ACSM5: variants seen among roughly 807,000 people sequenced by gnomAD.
ACSM5 encodes the protein acyl-CoA synthetase medium chain family member 5.
ACSM5 carries 56 observed loss-of-function variants against 71.6 expected under a neutral mutation model. That is an observed-to-expected ratio of 0.78 (90% CI 0.63 to 0.98). ACSM5 has a LOEUF of 0.98. Ranked by LOEUF, ACSM5 falls within the 50% of genes least tolerant of loss-of-function variation. ACSM5 has a pLI of 0.00. For synonymous variants in ACSM5, 285 were observed against 281.5 expected (o/e 1.01, Z -0.12); for missense variants, 723 against 726.0 (o/e 1.00, Z 0.05).
rs767699884 is a variant in ACSM5 at position 20,423,932 on chromosome 16, A to G, written c.784A>G (p.Thr262Ala). The change falls in exon 6 of 14, where the codon ACC becomes GCC. Residue 262 changes from threonine (T) to alanine (A), a missense_variant. Thr to Ala is a moderately conservative substitution (Grantham distance 58, BLOSUM62 0). Coordinates refer to ENST00000331849, the MANE Select transcript of ACSM5 (RefSeq NM_017888.3). ...VASGRRWVAL[T>A]ESDIFWNTTD... Reference sequence around the variant, plus strand: ...TTTTGGCAGACGGTGGGTGGCCTTGACCGAATCTGACATCTTCTGGAACAC... The same window carrying G: ...TTTTGGCAGACGGTGGGTGGCCTTGGCCGAATCTGACATCTTCTGGAACAC... 1.2e-6 allele frequency: 2 copies of G among 1,614,066 alleles called. No individual in the cohort carries two copies. The highest frequency in any genetic ancestry group is 2.2e-5 in the South Asian group (2 of 91,044).
In ACSM5 at chr16:20,431,317, A is replaced by G. The variant is rs1178556077; in HGVS notation, c.1304A>G (p.Tyr435Cys). Residue 435 changes from tyrosine to cysteine, a missense_variant, in exon 10 of 14, where the codon TAT (tyrosine) becomes TGT (cysteine). Tyr to Cys is a radical substitution (Grantham distance 194, BLOSUM62 -2). Transcript: ENST00000331849. The part of the protein sequence containing the change: ...PTRPFCFFNC[Y>C]LDNPEKTAAS... Reference sequence around the variant, plus strand: ...CGGCCCTTCTGTTTCTTCAATTGCTATTTGGTAAGAGACGGGGAACAGCCG... The same window carrying G: ...CGGCCCTTCTGTTTCTTCAATTGCTGTTTGGTAAGAGACGGGGAACAGCCG... 8 of 1,613,166 alleles carry G rather than the reference A, an allele frequency of 5.0e-6. No individual in the cohort carries two copies. The highest frequency in any genetic ancestry group is 5.9e-6 in the Non-Finnish European group (7 of 1,179,152).
rs1209445453 is a variant in ACSM5, at chr16:20,441,269, G to A, written c.*842G>A. The stretch of plus-strand genomic sequence containing the variant: ...TTCTTCCTTTTTCCATTACATTTCT[G>A]TATTTTCCAAGTTTTTGTACGAAGC... On this transcript the variant is annotated 3_prime_UTR_variant, in exon 14 of 14. Coordinates refer to ENST00000331849, the MANE Select transcript of ACSM5 (RefSeq NM_017888.3). 6.6e-6 allele frequency: 1 copy of A among 152,164 alleles called. No homozygotes were observed. The highest frequency in any genetic ancestry group is 1.5e-5 in the Non-Finnish European group (1 of 68,026). The allele number at this position is 152,164 out of a possible 1,614,324, so 9.4% of individuals were successfully genotyped here.
At position 20,424,086 on chromosome 16, in the gene ACSM5, A is replaced by G. The variant is rs367765757; in HGVS notation, c.921+17A>G. 18 of 1,613,536 alleles carry G rather than the reference A, an allele frequency of 1.1e-5. No individual in the cohort carries two copies. Among genetic ancestry groups the G allele is most frequent in the Admixed American group, 3.3e-5 (2 of 59,978 alleles). ...ATCCTGAATGTAAGAGGAAAAACCA[A>G]CAATACCCCATATGTGTTGGGTACA... On this transcript the variant is annotated intron_variant, in intron 6 of 13. Transcript: ENST00000331849.
intron 10 of ACSM5, among the ~76,000 whole-genome samples, chr16:20,436,587 C>T (rs563800311): frequency 6.6e-6 from 1 of 152,258 alleles, no homozygotes; most frequent in East Asian, 1.9e-4. Context: ...GCCAGCTGGT[C>T]TCGAATTCCA....
chr16:20,436,100 C>CTTTCTT (rs1555495957), intron 10 of ACSM5, among the ~76,000 whole-genome samples: 109 of 55,714 alleles, frequency 2.0e-3, no homozygotes, highest in African/African-American at 1.0e-2. Flanking sequence ...TTTTCTCTTT[C>CTTTCTT]TTTCTTTCTT....
intron 3 of ACSM5, 70 bp from the exon 4 acceptor site, chr16:20,419,158 T>C: frequency 6.8e-7 from 1 of 1,463,820 alleles, no homozygotes; most frequent in African/African-American, 1.4e-5. Flanking sequence ...CCTTCCTGCC[T>C]TCATCTCTTA....
At chr16:20,425,599 GT>G (rs1430741365) in intron 6 of ACSM5, among the ~76,000 whole-genome samples, 1 of 151,916 alleles carries the variant, frequency 6.6e-6, no homozygotes, top group African/African-American at 2.4e-5. Context: ...TTTTCCCCAA[GT>G]CCCCAAAGTC....
intron 10 of ACSM5, among the ~76,000 whole-genome samples, chr16:20,435,327 C>T (rs1009848532): frequency 3.3e-5 from 5 of 152,238 alleles, no homozygotes; most frequent in Non-Finnish European, 7.3e-5. Flanking sequence ...GCCACTGCAC[C>T]AGGCCGATTA....
intron 10 of ACSM5, among the ~76,000 whole-genome samples, chr16:20,433,899 A>T (rs1327066080): frequency 6.7e-6 from 1 of 148,664 alleles, no homozygotes; most frequent in Non-Finnish European, 1.5e-5. Context: ...CTGGTTTTGA[A>T]TTCCTGGGCT....
chr16:20,425,753 AT>A (rs1966966738), intron 6 of ACSM5, among the ~76,000 whole-genome samples: 1 of 152,082 alleles, frequency 6.6e-6, no homozygotes, highest in African/African-American at 2.4e-5. Flanking sequence ...TGCGAATGCC[AT>A]TAATTCATTC....
intron 5 of ACSM5, among the ~76,000 whole-genome samples, chr16:20,422,580 T>C (rs1966900978): frequency 6.6e-6 from 1 of 152,238 alleles, no homozygotes; most frequent in African/African-American, 2.4e-5. Flanking sequence ...CTGGATCATA[T>C]GGTAATTCTA....
At position 20,411,544 on chromosome 16, in the gene ACSM5, T is replaced by C; in HGVS notation, c.60T>C (p.Cys20=). 1 of 1,614,178 alleles carries C rather than the reference T, an allele frequency of 6.2e-7. No homozygotes were observed. The highest frequency in any genetic ancestry group is 8.5e-7 in the Non-Finnish European group (1 of 1,180,022). ...LQALRNSRAF[C]GSHGKPAPLP... is the part of the protein sequence containing the mutation. ...CACTGAGGAACTCCAGGGCATTCTG[T>C]GGGTCTCATGGGAAGCCAGCACCTC... Residue 20 remains cysteine (C), a synonymous_variant, in exon 2 of 14, where the codon TGT becomes TGC. Transcript: ENST00000331849.
chr16:20,428,461 T>C (rs1967031762), intron 7 of ACSM5, among the ~76,000 whole-genome samples: 1 of 152,154 alleles, frequency 6.6e-6, no homozygotes, highest in Non-Finnish European at 1.5e-5. Context: ...CAAAGCAACA[T>C]CTTCTAGCAG....
chr16:20,414,313 C>T (rs1383822486), intron 2 of ACSM5, among the ~76,000 whole-genome samples: 1 of 151,966 alleles, frequency 6.6e-6, no homozygotes, highest in Non-Finnish European at 1.5e-5. Flanking sequence ...TCTGGATGAG[C>T]CTAATATAAT....
At chr16:20,411,439 A>G in intron 1 of ACSM5, 31 bp from the exon 2 acceptor site, 5 of 1,593,966 alleles carry the variant, frequency 3.1e-6, no homozygotes, top group Non-Finnish European at 4.3e-6. Context: ...AGAATTTATG[A>G]CAATGCCCTC....
chr16:20,429,651 G>A (rs776038757), intron 7 of ACSM5, 27 bp from the exon 8 acceptor site: 2 of 1,613,466 alleles, frequency 1.2e-6, no homozygotes, highest in Admixed American at 1.7e-5. Context: ...CCTGACATAG[G>A]TGGCCTTGTT....
chr16:20,429,872 C>A, intron 8 of ACSM5, 71 bp downstream of exon 8: 1 of 1,574,522 alleles, frequency 6.4e-7, no homozygotes, highest in Admixed American at 1.8e-5. Context: ...CCGGCTGTCA[C>A]CTCCCTGAAG....
Position 20,440,573 on chromosome 16 carries a change from T to C in ACSM5, c.*146T>C. ...TTCCAAACGGCATCCCCAGGATCACTGGGCAATGCTGGAAAGAGCAAAAGA... is the reference window on the plus strand; with the variant it reads ...TTCCAAACGGCATCCCCAGGATCACCGGGCAATGCTGGAAAGAGCAAAAGA... On this transcript the variant is annotated 3_prime_UTR_variant, in exon 14 of 14. Transcript: ENST00000331849. 1.5e-6 allele frequency: 1 copy of C among 686,876 alleles called. No homozygotes were observed. The highest frequency in any genetic ancestry group is 2.6e-6 in the Non-Finnish European group (1 of 389,432). The allele number at this position is 686,876 out of a possible 1,614,324, so 42.5% of individuals were successfully genotyped here. A position where few individuals can be genotyped will look rare whatever the true frequency, so the allele number is the denominator to read the frequency against.
chr16:20,437,904 C>A (rs1475732986), intron 12 of ACSM5, among the ~76,000 whole-genome samples: 3 of 150,804 alleles, frequency 2.0e-5, no homozygotes, highest in Admixed American at 2.0e-4. Flanking sequence ...CTCACTGCAA[C>A]CTCCGCCTCC....
Sources: gnomAD v4.1 joint callset for allele counts (sites outside exome capture counted in the v4.1 genomes callset) on GRCh38, gnomAD v4.1.1 for gene constraint, MANE v1.5 for transcripts, NCBI Gene and HGNC (gene_info 2026-07-23, HGNC 2026-07-21) for gene names.